Variants in TBC1D4 observed in about 807,000 individuals in gnomAD.
TBC1D4 encodes TBC1 domain family member 4.
TBC1D4 carries 121 observed loss-of-function variants against 142.5 expected under a neutral mutation model. The ratio of observed to expected loss-of-function variants is 0.85; its 90% CI spans 0.73 to 0.99. The LOEUF is 0.99. Among genes scored for constraint, TBC1D4 ranks in the 50% least tolerant of loss-of-function variants. TBC1D4 has a pLI of 0.00. For missense variants in TBC1D4, 1,475 were observed against 1,606.6 expected (o/e 0.92, Z 1.40); for synonymous variants, 630 against 628.2 (o/e 1.00, Z -0.04).
intron 1 of TBC1D4, among the ~76,000 whole-genome samples, chr13:75,400,633 A>ATT (rs71201178): frequency 0.37 from 52,413 of 141,068 alleles, 10,614 homozygotes; most frequent in African/African-American, 0.51. Flanking sequence ...AATTTTTTGT[A>ATT]TTTTTTTTTT....
chr13:75,410,797 G>C (rs367727011), intron 1 of TBC1D4, among the ~76,000 whole-genome samples: 2 of 150,536 alleles, frequency 1.3e-5, no homozygotes, highest in African/African-American at 2.4e-5. Flanking sequence ...TTAGCCGGGC[G>C]TGGTAGCGGG....
intron 11 of TBC1D4, among the ~76,000 whole-genome samples, chr13:75,323,542 T>C (rs1207587622): frequency 6.6e-6 from 1 of 152,162 alleles, no homozygotes; most frequent in East Asian, 1.9e-4. Flanking sequence ...TAATTTTGTG[T>C]TACTAAAAGA....
chr13:75,410,953 AAAAAAAAAAAAAAT>A, intron 1 of TBC1D4, among the ~76,000 whole-genome samples: 1 of 147,524 alleles, frequency 6.8e-6, no homozygotes, highest in African/African-American at 2.6e-5. Context: ...AAAAAAAAAA[AAAAAAAAAAAAAAT>A]TCTAAGTGCA....
rs149599275 is a variant in TBC1D4 at position 75,420,052 on chromosome 13, G to A, written c.499-57445C>T. Among the ~76,000 whole-genome samples the A allele has an allele frequency of 2.4e-3, 369 of 152,162 alleles. 3 individuals are homozygous for A. The highest frequency in any genetic ancestry group is 8.5e-3 in the African/African-American group (354 of 41,512). ...TGAACAAACACAAAGGAAGAGGAGA[G>A]GGAGGAACATATCAGAAGAAGGGCA... On this transcript the variant is annotated intron_variant, in intron 1 of 20. Transcript: ENST00000377636.
intron 1 of TBC1D4, among the ~76,000 whole-genome samples, chr13:75,413,914 G>C (rs1342201173): frequency 6.6e-6 from 1 of 152,108 alleles, no homozygotes; most frequent in Non-Finnish European, 1.5e-5. Context: ...TCTAGAGCAG[G>C]GTTTCTTGAT....
chr13:75,356,102 C>T, intron 4 of TBC1D4, 45 bp downstream of exon 4: 3 of 1,447,386 alleles, frequency 2.1e-6, no homozygotes, highest in Non-Finnish European at 2.9e-6. Flanking sequence ...TTCTGTTCGA[C>T]AGATGTGTCC....
intron 5 of TBC1D4, among the ~76,000 whole-genome samples, chr13:75,343,853 T>C (rs919256698): frequency 1.3e-4 from 19 of 151,474 alleles, no homozygotes; most frequent in Admixed American, 1.3e-3. Flanking sequence ...TTTATTTTAT[T>C]TTTTGAGGCA....
chr13:75,435,964 A>G lies in TBC1D4; in HGVS notation c.498+45306T>C, dbSNP rs545305881. Reference sequence around the variant, plus strand: ...ACAAGAAAAGAAAGTTCTATTTTATATACAATGGTGATATCATTTGGCTGT... The same window carrying G: ...ACAAGAAAAGAAAGTTCTATTTTATGTACAATGGTGATATCATTTGGCTGT... On this transcript the variant is annotated intron_variant, in intron 1 of 20. Coordinates refer to ENST00000377636, the MANE Select transcript of TBC1D4 (RefSeq NM_014832.5). 6.6e-4 allele frequency among the ~76,000 whole-genome samples: 101 copies of G among 152,334 alleles called. 1 individual carries two copies. Among genetic ancestry groups the G allele is most frequent in the South Asian group, 3.9e-3 (19 of 4,820 alleles).
intron 1 of TBC1D4, among the ~76,000 whole-genome samples, chr13:75,373,438 C>T (rs1883323588): frequency 6.6e-6 from 1 of 152,180 alleles, no homozygotes; most frequent in Admixed American, 6.5e-5. Flanking sequence ...TGAAAACACA[C>T]ATTCACCTCT....
intron 1 of TBC1D4, among the ~76,000 whole-genome samples, chr13:75,364,123 C>T (rs1156434736): frequency 6.6e-6 from 1 of 152,170 alleles, no homozygotes; most frequent in East Asian, 1.9e-4. Context: ...AGTTCCAGAT[C>T]GTAGGTGGAT....
intron 14 of TBC1D4, among the ~76,000 whole-genome samples, chr13:75,307,364 G>A (rs1399654051): frequency 6.6e-6 from 1 of 152,076 alleles, no homozygotes; most frequent in East Asian, 1.9e-4. Context: ...CTAATTTGAT[G>A]GTCTAACATA....
chr13:75,441,092 T>C (rs1206622754), intron 1 of TBC1D4, among the ~76,000 whole-genome samples: 1 of 151,996 alleles, frequency 6.6e-6, no homozygotes, highest in Non-Finnish European at 1.5e-5. Flanking sequence ...CCGTCTTTAC[T>C]AAAAACACAA....
chr13:75,287,359 T>C (rs1210606764), intron 20 of TBC1D4, among the ~76,000 whole-genome samples: 1 of 152,194 alleles, frequency 6.6e-6, no homozygotes, highest in East Asian at 1.9e-4. Context: ...TTCCTGACAC[T>C]ATTGCAGTGC....
Position 75,481,919 on chromosome 13 carries a change from C to T in TBC1D4, c.-152G>A. 8.8e-7 allele frequency: 1 copy of T among 1,136,918 alleles called. No individual in the cohort carries two copies. Among genetic ancestry groups the T allele is most frequent in the Non-Finnish European group, 1.1e-6 (1 of 879,236 alleles). The allele number at this position is 1,136,918 out of a possible 1,614,324, so 70.4% of individuals were successfully genotyped here. ...CGCGACCCCGAACTCCGCGCTTCAG[C>T]AGCCCTGCCCCATGCAGCACTTCCA... On this transcript the variant is annotated 5_prime_UTR_variant, in exon 1 of 21. Transcript: ENST00000377636.
In TBC1D4 at chr13:75,361,887, C is replaced by T. The variant is rs527481721; in HGVS notation, c.1080+139G>A. 3.7e-5 allele frequency: 38 copies of T among 1,030,994 alleles called. No individual in the cohort carries two copies. The African/African-American group carries it at 5.2e-4, about 14-fold the overall frequency. The allele number at this position is 1,030,994 out of a possible 1,614,324, so 63.9% of individuals were successfully genotyped here. A position where few individuals can be genotyped will look rare whatever the true frequency, so the allele number is the denominator to read the frequency against. ...TCCTCTGCACTCTTCCTCCACCTGC[C>T]TTATCTGCTTTGAAGGGGAAAACAA... is the stretch of plus-strand genomic sequence containing the variant. On this transcript the variant is annotated intron_variant, in intron 2 of 20. Coordinates refer to ENST00000377636, the MANE Select transcript of TBC1D4 (RefSeq NM_014832.5).
intron 1 of TBC1D4, among the ~76,000 whole-genome samples, chr13:75,423,136 T>C (rs779699014): frequency 6.6e-6 from 1 of 152,166 alleles, no homozygotes; most frequent in Admixed American, 6.5e-5. Context: ...CTAGAAACAT[T>C]AGCCCAAAGT....
intron 1 of TBC1D4, among the ~76,000 whole-genome samples, chr13:75,480,877 G>A (rs9573561): frequency 0.075 from 9,300 of 124,184 alleles, 437 homozygotes; most frequent in East Asian, 0.29. Context: ...GCACACGCAC[G>A]CACACACACA....
chr13:75,325,900 G>A (rs1399749129), intron 10 of TBC1D4, among the ~76,000 whole-genome samples: 2 of 152,156 alleles, frequency 1.3e-5, no homozygotes, highest in African/African-American at 2.4e-5. Flanking sequence ...AAGACACTGC[G>A]TAACGTGTTA....
At position 75,292,368 on chromosome 13, in the gene TBC1D4, T is replaced by C. The variant is rs568630194; in HGVS notation, c.3317-97A>G. 51 of 1,105,476 alleles carry C rather than the reference T, an allele frequency of 4.6e-5. No homozygotes were observed. In the South Asian group the frequency reaches 6.4e-4, roughly 14 times the overall value. The allele number at this position is 1,105,476 out of a possible 1,614,324, so 68.5% of individuals were successfully genotyped here. ...TAAAGGTTTTTGTTTACTTGTTTTA[T>C]GTATTTTGCAGAAGAAAACTGGTCA... On this transcript the variant is annotated intron_variant, in intron 18 of 20. Coordinates refer to ENST00000377636, the MANE Select transcript of TBC1D4 (RefSeq NM_014832.5).
Sources: allele counts gnomAD v4.1 joint callset (sites outside exome capture counted in the v4.1 genomes callset), GRCh38; gene constraint gnomAD v4.1.1; transcripts MANE v1.5; gene names NCBI Gene and HGNC (gene_info 2026-07-23, HGNC 2026-07-21).